NRCAM: variants seen among roughly 807,000 people sequenced by gnomAD.
The protein encoded by NRCAM is NgCAM-related cell adhesion molecule.
Under a neutral mutation model 156.5 loss-of-function variants are expected in NRCAM, and 83 were observed. That is an observed-to-expected ratio of 0.53 (90% confidence interval 0.44 to 0.64). The LOEUF (loss-of-function observed/expected upper bound fraction) is 0.64, where lower values mean the gene tolerates loss of function less well. Ranked by LOEUF, NRCAM falls within the 30% of genes least tolerant of loss-of-function variation. The pLI, the probability that NRCAM is intolerant of heterozygous loss-of-function variation, is 0.00. For missense variants in NRCAM, 1,417 were observed against 1,597.3 expected (o/e 0.89, Z 1.92); for synonymous variants, 538 against 563.9 (o/e 0.95, Z 0.65).
rs115525240 is a variant in NRCAM, at chr7:108,453,244, T to C, written c.-332+2999A>G. Among the ~76,000 whole-genome samples, 166 of 152,334 alleles carry C rather than the reference T, an allele frequency of 1.1e-3. 1 individual carries two copies. Among genetic ancestry groups the C allele is most frequent in the African/African-American group, 3.7e-3 (153 of 41,578 alleles). On this transcript the variant is annotated intron_variant, in intron 1 of 32. Coordinates refer to ENST00000379028, the MANE Select transcript of NRCAM (RefSeq NM_001037132.4). ...GCTCCTATGTACATACACAATATAATATCTGTAGAGTCTATTTATATTCAA... is the reference window on the plus strand; with the variant it reads ...GCTCCTATGTACATACACAATATAACATCTGTAGAGTCTATTTATATTCAA...
chr7:108,157,585 G>C (rs1336264185), intron 32 of NRCAM, among the ~76,000 whole-genome samples: 1 of 152,106 alleles, frequency 6.6e-6, no homozygotes, highest in Admixed American at 6.5e-5. Flanking sequence ...ACAGATCCAG[G>C]GGGTACATGT....
chr7:108,161,277 T>C (rs1179046709), intron 30 of NRCAM, among the ~76,000 whole-genome samples: 1 of 152,242 alleles, frequency 6.6e-6, no homozygotes, highest in South Asian at 2.1e-4. Context: ...CTTAGGTGTA[T>C]ACATATCCTT....
chr7:108,448,432 T>A (rs1846825321), intron 1 of NRCAM, among the ~76,000 whole-genome samples: 1 of 152,206 alleles, frequency 6.6e-6, no homozygotes, highest in African/African-American at 2.4e-5. Context: ...GAAAAGACTA[T>A]GTCGAGTCAT....
intron 3 of NRCAM, among the ~76,000 whole-genome samples, chr7:108,269,686 G>A (rs2097266877): frequency 6.6e-6 from 1 of 152,178 alleles, no homozygotes; most frequent in Non-Finnish European, 1.5e-5. Flanking sequence ...TGAGTTATAT[G>A]CTTGAATAAT....
At chr7:108,175,988 A>T (rs999999797) in intron 27 of NRCAM, among the ~76,000 whole-genome samples, 5 of 151,962 alleles carry the variant, frequency 3.3e-5, no homozygotes, top group Admixed American at 1.3e-4. Context: ...GAACTAGAAA[A>T]TTTTTTCCAG....
intron 2 of NRCAM, among the ~76,000 whole-genome samples, chr7:108,385,492 T>C (rs573260872): frequency 4.5e-4 from 69 of 152,310 alleles, no homozygotes; most frequent in African/African-American, 1.6e-3. Flanking sequence ...TTTAGGTAGC[T>C]TAGAAGAAAG....
intron 28 of NRCAM, among the ~76,000 whole-genome samples, chr7:108,172,971 T>A (rs1199761042): frequency 6.9e-6 from 1 of 145,882 alleles, no homozygotes; most frequent in Non-Finnish European, 1.5e-5. Flanking sequence ...AATAAAATCT[T>A]ATGAGATGTT....
chr7:108,344,301 C>T (rs1051685706), intron 2 of NRCAM, among the ~76,000 whole-genome samples: 1 of 152,106 alleles, frequency 6.6e-6, no homozygotes, highest in Non-Finnish European at 1.5e-5. Flanking sequence ...GTAAAGAGAG[C>T]TCACTAAAAT....
chr7:108,445,144 T>G (rs1842877642), intron 1 of NRCAM, among the ~76,000 whole-genome samples: 1 of 152,242 alleles, frequency 6.6e-6, no homozygotes, highest in African/African-American at 2.4e-5. Flanking sequence ...AATTATTGAC[T>G]GTCCTTTTCA....
At chr7:108,154,302 G>A (rs1479319007) in intron 32 of NRCAM, among the ~76,000 whole-genome samples, 1 of 152,034 alleles carries the variant, frequency 6.6e-6, no homozygotes, top group Non-Finnish European at 1.5e-5. Flanking sequence ...ATATTTTTAT[G>A]CTATCATAAC....
At chr7:108,453,038 G>C (rs1852291017) in intron 1 of NRCAM, among the ~76,000 whole-genome samples, 1 of 152,184 alleles carries the variant, frequency 6.6e-6, no homozygotes, top group Admixed American at 6.5e-5. Flanking sequence ...AAAAAACTCT[G>C]TGTGATGAAG....
At chr7:108,388,200 C>T (rs1474003289) in intron 2 of NRCAM, among the ~76,000 whole-genome samples, 2 of 152,174 alleles carry the variant, frequency 1.3e-5, no homozygotes, top group Non-Finnish European at 2.9e-5. Context: ...TCCTATTTCT[C>T]CACATCCTCT....
At chr7:108,197,215 C>CTCAACATCCACCAATATCTT (rs2075612192) in intron 14 of NRCAM, among the ~76,000 whole-genome samples, 1 of 152,152 alleles carries the variant, frequency 6.6e-6, no homozygotes, top group Non-Finnish European at 1.5e-5. Context: ...AAAGTGCTTT[C>CTCAACATCCACCAATATCTT]TCAACATCCA....
At chr7:108,233,326 C>A (rs1355821418) in intron 6 of NRCAM, among the ~76,000 whole-genome samples, 1 of 152,184 alleles carries the variant, frequency 6.6e-6, no homozygotes, top group Non-Finnish European at 1.5e-5. Flanking sequence ...TCCCTTCCCA[C>A]TGCTTATCTT....
At chr7:108,305,118 T>C (rs558505524) in intron 3 of NRCAM, among the ~76,000 whole-genome samples, 1 of 152,302 alleles carries the variant, frequency 6.6e-6, no homozygotes, top group East Asian at 1.9e-4. Flanking sequence ...GGATGACTTC[T>C]GGTTTGGGTA....
At chr7:108,236,740 G>A (rs189215161) in intron 5 of NRCAM, among the ~76,000 whole-genome samples, 394 of 151,988 alleles carry the variant, frequency 2.6e-3, no homozygotes, top group Non-Finnish European at 4.5e-3. Flanking sequence ...ATTCACCTCT[G>A]AATGATCCTT....
At position 108,149,834 on chromosome 7, in the gene NRCAM, A is replaced by G; in HGVS notation, c.*76T>C. 1 of 1,146,484 alleles carries G rather than the reference A, an allele frequency of 8.7e-7. No individual in the cohort carries two copies. Among genetic ancestry groups the G allele is most frequent in the South Asian group, 1.5e-5 (1 of 68,652 alleles). 71.0% of individuals were successfully genotyped at this position (1,146,484 alleles called of 1,614,324 possible). A position where few individuals can be genotyped will look rare whatever the true frequency, so the allele number is the denominator to read the frequency against. ...ATATACTCTCTACCCATATGTTCAT[A>G]GTATGAGAGGGCTGACAAACAAGTG... On this transcript the variant is annotated 3_prime_UTR_variant, in exon 33 of 33. Coordinates refer to ENST00000379028, the MANE Select transcript of NRCAM (RefSeq NM_001037132.4).
chr7:108,381,203 AATC>A (rs1200356238), intron 2 of NRCAM, among the ~76,000 whole-genome samples: 1 of 152,216 alleles, frequency 6.6e-6, no homozygotes, highest in Admixed American at 6.5e-5. Context: ...AAAAGTTAAT[AATC>A]ATTTGCCTGT....
intron 1 of NRCAM, among the ~76,000 whole-genome samples, chr7:108,428,932 AT>A (rs1820959201): frequency 6.7e-6 from 1 of 148,466 alleles, no homozygotes; most frequent in Non-Finnish European, 1.5e-5. Context: ...GTGACCTAAA[AT>A]TTTCTTTTCT....
Sources: gnomAD v4.1 joint callset for allele counts (sites outside exome capture counted in the v4.1 genomes callset) on GRCh38, gnomAD v4.1.1 for gene constraint, MANE v1.5 for transcripts, NCBI Gene and HGNC (gene_info 2026-07-23, HGNC 2026-07-21) for gene names.